The following SUGCT variants were observed in gnomAD, a reference collection of about 807,000 sequenced individuals.
SUGCT encodes succinyl-CoA:glutarate-CoA transferase, also known as succinyl-CoA:glutarate CoA-transferase.
In SUGCT, 41 loss-of-function variants were observed where a neutral mutation model predicts 55.0. That is an observed-to-expected ratio of 0.74 (90% CI 0.58 to 0.97). SUGCT has a LOEUF of 0.97. Among genes scored for constraint, SUGCT ranks in the 50% least tolerant of loss-of-function variants. The pLI, the probability that SUGCT is intolerant of heterozygous loss-of-function variation, is 0.00. For missense variants in SUGCT, 568 were observed against 547.8 expected, an observed-to-expected ratio of 1.04 and a Z score of -0.37; for synonymous variants, 187 against 200.4, an observed-to-expected ratio of 0.93 and a Z score of 0.56.
At chr7:40,380,449 A>G (rs1784814503) in intron 9 of SUGCT, among the ~76,000 whole-genome samples, 1 of 152,184 alleles carries the variant, frequency 6.6e-6, no homozygotes, top group African/African-American at 2.4e-5. Context: ...TTACCCTGCC[A>G]TTCGTGCTGA....
intron 6 of SUGCT, among the ~76,000 whole-genome samples, chr7:40,209,350 T>A (rs1012744739): frequency 6.6e-6 from 1 of 151,440 alleles, no homozygotes; most frequent in Non-Finnish European, 1.5e-5. Flanking sequence ...TACAAAAAAT[T>A]AGCCGAGCGT....
chr7:40,752,769 T>TG (rs566055565), intron 13 of SUGCT, among the ~76,000 whole-genome samples: 223 of 152,316 alleles, frequency 1.5e-3, no homozygotes, highest in African/African-American at 5.2e-3. Flanking sequence ...AGTAAATAAT[T>TG]GGAGTAAAAA....
chr7:40,630,312 C>T (rs943773204), intron 12 of SUGCT, among the ~76,000 whole-genome samples: 3 of 152,152 alleles, frequency 2.0e-5, no homozygotes, highest in Admixed American at 6.5e-5. Context: ...TCCCGTTGAC[C>T]CTCTGGAAGT....
rs191037909 is a variant in SUGCT, at chr7:40,674,895, G to A, written c.1090-74539G>A. 2.2e-3 allele frequency among the ~76,000 whole-genome samples: 333 copies of A among 152,140 alleles called. 1 individual carries two copies. The highest frequency in any genetic ancestry group is 7.8e-3 in the African/African-American group (325 of 41,516). On this transcript the variant is annotated intron_variant, in intron 12 of 13. Coordinates refer to ENST00000335693, the MANE Select transcript of SUGCT (RefSeq NM_001193313.2). ...TTCTGCCGTCCATGATGCAGAAGGT[G>A]GAGGTGAGTGCTGTATATTAGGAAA...
intron 13 of SUGCT, among the ~76,000 whole-genome samples, chr7:40,791,125 A>T (rs1168959051): frequency 1.3e-5 from 2 of 152,222 alleles, no homozygotes; most frequent in East Asian, 3.8e-4. Context: ...TCAGACATTA[A>T]TTATCTTTGA....
At chr7:40,615,507 A>G (rs1243895503) in intron 12 of SUGCT, among the ~76,000 whole-genome samples, 1 of 152,198 alleles carries the variant, frequency 6.6e-6, no homozygotes, top group Non-Finnish European at 1.5e-5. Flanking sequence ...GCAGAAAGTC[A>G]GAAGGCCTTG....
intron 12 of SUGCT, among the ~76,000 whole-genome samples, chr7:40,702,856 C>A (rs1327557840): frequency 6.6e-6 from 1 of 152,110 alleles, no homozygotes; most frequent in Non-Finnish European, 1.5e-5. Flanking sequence ...ACATGGAATT[C>A]TTTTATAGCC....
the SUGCT span, among the ~76,000 whole-genome samples, chr7:41,035,851 A>G: frequency 6.6e-6 from 1 of 151,952 alleles, no homozygotes; most frequent in East Asian, 1.9e-4. Context: ...CCTCACAGGA[A>G]CCCCCAGCCT....
intron 12 of SUGCT, among the ~76,000 whole-genome samples, chr7:40,632,113 C>A (rs1481330743): frequency 6.6e-6 from 1 of 152,130 alleles, no homozygotes; most frequent in African/African-American, 2.4e-5. Context: ...CATACTGTGT[C>A]CACCATAAAT....
At chr7:40,470,747 G>GTCTCTCTC (rs34012862) in intron 11 of SUGCT, among the ~76,000 whole-genome samples, 233 of 146,380 alleles carry the variant, frequency 1.6e-3, no homozygotes, top group Middle Eastern at 7.1e-3. Flanking sequence ...TAAGTGAACA[G>GTCTCTCTC]TCTCTCTCTC....
intron 13 of SUGCT, among the ~76,000 whole-genome samples, chr7:40,821,618 T>C (rs1021009188): frequency 8.5e-5 from 13 of 152,336 alleles, no homozygotes; most frequent in African/African-American, 2.9e-4. Flanking sequence ...ATATCCCCTG[T>C]ATCATTTTTT....
At chr7:40,806,886 G>A (rs992705193) in intron 13 of SUGCT, among the ~76,000 whole-genome samples, 5 of 152,208 alleles carry the variant, frequency 3.3e-5, no homozygotes, top group African/African-American at 1.2e-4. Flanking sequence ...ATGCAGCATG[G>A]TCTCCATGCA....
intron 8 of SUGCT, among the ~76,000 whole-genome samples, chr7:40,279,026 G>T (rs1255145793): frequency 2.0e-5 from 3 of 150,466 alleles, no homozygotes; most frequent in African/African-American, 4.9e-5. Context: ...TAGAGATGGG[G>T]GGGTCTGACT....
rs202056398 is a variant in SUGCT, at chr7:40,575,127, G to GC, written c.1089+78741_1089+78742insC. The stretch of plus-strand genomic sequence containing the variant: ...GGTGGGCAGGAGGGTGGCGGGGGTG[G>GC]GGGTGGAGATGGGTGAAGTTTTGGA... On this transcript the variant is annotated intron_variant, in intron 12 of 13. Coordinates refer to ENST00000335693, the MANE Select transcript of SUGCT (RefSeq NM_001193313.2). Among the ~76,000 whole-genome samples the GC allele has an allele frequency of 2.7e-3, 301 of 113,056 alleles. 1 individual carries two copies. The highest frequency in any genetic ancestry group is 0.01 in the Middle Eastern group (2 of 198). 74.2% of individuals were successfully genotyped at this position (113,056 alleles called of 152,430 possible). A position where few individuals can be genotyped will look rare whatever the true frequency, so the allele number is the denominator to read the frequency against.
intron 1 of SUGCT, among the ~76,000 whole-genome samples, chr7:40,154,315 GAATGTAATGT>G (rs3046488): frequency 1.3e-5 from 2 of 151,364 alleles, no homozygotes; most frequent in African/African-American, 4.8e-5. Flanking sequence ...CAAAAGATGT[GAATGTAATGT>G]AATGTAATGG....
the SUGCT span, among the ~76,000 whole-genome samples, chr7:40,934,091 T>C: frequency 4.6e-5 from 7 of 152,344 alleles, no homozygotes; most frequent in Middle Eastern, 3.4e-3. Flanking sequence ...CTTTGGTCTT[T>C]GTTGTTGGTG....
chr7:40,964,989 C>T, the SUGCT span: 2 of 152,228 alleles, frequency 1.3e-5, no homozygotes, highest in South Asian at 4.1e-4. Context: ...GTTAATGCTT[C>T]TACCCAAGCT....
chr7:40,223,523 A>G (rs989371786), intron 6 of SUGCT, among the ~76,000 whole-genome samples: 1 of 152,214 alleles, frequency 6.6e-6, no homozygotes, highest in Non-Finnish European at 1.5e-5. Flanking sequence ...ATAAATGATC[A>G]TTTTCACCAG....
At chr7:41,004,095 G>A in the SUGCT span, among the ~76,000 whole-genome samples, 1 of 152,112 alleles carries the variant, frequency 6.6e-6, no homozygotes, top group Non-Finnish European at 1.5e-5. Flanking sequence ...ATATGTATCT[G>A]CTTGTAGCCA....
Sources: allele counts gnomAD v4.1 joint callset (sites outside exome capture counted in the v4.1 genomes callset), GRCh38; gene constraint gnomAD v4.1.1; transcripts MANE v1.5; gene names NCBI Gene and HGNC (gene_info 2026-07-23, HGNC 2026-07-21).